The following ZNF831 variants were observed in gnomAD, a reference collection of about 807,000 sequenced individuals.
The protein encoded by ZNF831 is chromosome 20 open reading frame 174.
In ZNF831, 59 loss-of-function variants were observed where a neutral mutation model predicts 95.8. That is an observed-to-expected ratio of 0.62 (90% CI 0.50 to 0.77). ZNF831 has a LOEUF of 0.77. Among genes scored for constraint, ZNF831 ranks in the 30% least tolerant of loss-of-function variants. The probability of loss-of-function intolerance (pLI) is 0.00; values close to 1 mark genes in which losing one functional copy is unlikely to be tolerated. For synonymous variants in ZNF831, 961 were observed against 925.5 expected, an observed-to-expected ratio of 1.04 and a Z score of -0.70; for missense variants, 2,205 against 2,164.0, an observed-to-expected ratio of 1.02 and a Z score of -0.38.
At chr20:59,144,477 C>T (rs1017409260) in intron 1 of ZNF831, among the ~76,000 whole-genome samples, 3 of 152,072 alleles carry the variant, frequency 2.0e-5, no homozygotes, top group African/African-American at 7.2e-5. Context: ...GCACCCTGCC[C>T]TAGTTATGAC....
intron 4 of ZNF831, among the ~76,000 whole-genome samples, chr20:59,249,111 G>T (rs1006672904): frequency 6.6e-6 from 1 of 152,042 alleles, no homozygotes; most frequent in African/African-American, 2.4e-5. Flanking sequence ...TCTCTGTATT[G>T]TTCCTTCTTT....
intron 1 of ZNF831, among the ~76,000 whole-genome samples, chr20:59,183,315 G>A (rs1203982329): frequency 6.6e-6 from 1 of 152,208 alleles, no homozygotes; most frequent in African/African-American, 2.4e-5. Context: ...GGGTGCTAGT[G>A]GACTAGGGAG....
intron 1 of ZNF831, among the ~76,000 whole-genome samples, chr20:59,128,414 G>T (rs572883397): frequency 6.6e-6 from 1 of 152,316 alleles, no homozygotes; most frequent in South Asian, 2.1e-4. Flanking sequence ...GACTGGCCAG[G>T]GAAGGCCTCT....
intron 4 of ZNF831, among the ~76,000 whole-genome samples, chr20:59,237,450 G>A (rs1379015587): frequency 5.9e-5 from 9 of 152,058 alleles, no homozygotes; most frequent in African/African-American, 1.2e-4. Context: ...AGGTTCAAGC[G>A]ATTCTCCTGC....
chr20:59,250,840 G>T (rs992575192), intron 4 of ZNF831, among the ~76,000 whole-genome samples: 1 of 151,830 alleles, frequency 6.6e-6, no homozygotes, highest in African/African-American at 2.4e-5. Context: ...AAAAGACCAA[G>T]AAACAGAACA....
chr20:59,177,207 T>C (rs1232275884), intron 1 of ZNF831, among the ~76,000 whole-genome samples: 1 of 152,236 alleles, frequency 6.6e-6, no homozygotes, highest in Non-Finnish European at 1.5e-5. Context: ...CGTCTTGTCA[T>C]TTAATTAAGC....
chr20:59,130,944 T>G (rs1255542543), intron 1 of ZNF831, among the ~76,000 whole-genome samples: 1 of 152,150 alleles, frequency 6.6e-6, no homozygotes, highest in Admixed American at 6.5e-5. Context: ...GGGCTAGTAA[T>G]CCTCTTATCA....
intron 1 of ZNF831, among the ~76,000 whole-genome samples, chr20:59,137,637 T>C (rs1200653625): frequency 6.6e-6 from 1 of 152,224 alleles, no homozygotes; most frequent in African/African-American, 2.4e-5. Context: ...AACCTGCAGT[T>C]TTTAACCTTT....
At position 59,169,885 on chromosome 20, in the gene ZNF831, GCAAGA is replaced by G. The variant is rs1237824673; in HGVS notation, c.-37+5680_-37+5684del. 6.6e-6 allele frequency among the ~76,000 whole-genome samples: 1 copy of G among 151,268 alleles called. No individual in the cohort carries two copies. Among genetic ancestry groups the G allele is most frequent in the Non-Finnish European group, 1.5e-5 (1 of 67,800 alleles). ...ACTTCACTCTAGCCTGGGCAATAGAGCAAGACTCTGTCTCAAAAAAAAAAGGTGAA... is the reference window on the plus strand; with the variant it reads ...ACTTCACTCTAGCCTGGGCAATAGAGCTCTGTCTCAAAAAAAAAAGGTGAA... On this transcript the variant is annotated intron_variant, in intron 1 of 5. Coordinates refer to ENST00000371030, the MANE Select transcript of ZNF831 (RefSeq NM_178457.3). This position sits in a 1 kb window ranked among gnomAD's most constrained non-coding sequence, Gnocchi z 4.1.
chr20:59,146,892 C>T (rs1568725197), intron 2 of ZNF831: 1 of 152,128 alleles, frequency 6.6e-6, no homozygotes, highest in Non-Finnish European at 1.5e-5. Flanking sequence ...ATAGAAGGGA[C>T]TCTAATAGGA....
intron 1 of ZNF831, among the ~76,000 whole-genome samples, chr20:59,190,365 T>A (rs1430487146): frequency 6.6e-6 from 1 of 152,240 alleles, no homozygotes; most frequent in Admixed American, 6.5e-5. Flanking sequence ...TAAAGAACTA[T>A]GCATTGTTTA....
chr20:59,148,257 A>G (rs1173153960), intron 2 of ZNF831, among the ~76,000 whole-genome samples: 1 of 152,090 alleles, frequency 6.6e-6, no homozygotes, highest in African/African-American at 2.4e-5. Context: ...CCATGATGGA[A>G]TGGGGCTGGC....
At chr20:59,132,566 G>T (rs1345313107) in intron 1 of ZNF831, among the ~76,000 whole-genome samples, 1 of 152,078 alleles carries the variant, frequency 6.6e-6, no homozygotes, top group Non-Finnish European at 1.5e-5. Flanking sequence ...ATCTTCACCT[G>T]CTTTTCTTTT....
intron 4 of ZNF831, 145 bp downstream of exon 4, chr20:59,207,201 C>T (rs1315818048): frequency 1.7e-5 from 16 of 957,780 alleles, no homozygotes; most frequent in East Asian, 1.6e-4. Context: ...AGAGGCATGA[C>T]GTCTATGAGA....
In ZNF831 at chr20:59,192,637, G is replaced by T; in HGVS notation, c.1618G>T (p.Ala540Ser). 6.7e-7 allele frequency: 1 copy of T among 1,499,062 alleles called. No individual in the cohort carries two copies. Among genetic ancestry groups the T allele is most frequent in the East Asian group, 2.4e-5 (1 of 42,122 alleles). The allele number at this position is 1,499,062 out of a possible 1,614,324, so 92.9% of individuals were successfully genotyped here. A position where few individuals can be genotyped will look rare whatever the true frequency, so the allele number is the denominator to read the frequency against. ...QKPLSPRPGP[A>S]RLGCRSGLSS... is the part of the protein sequence containing the mutation. ...GCCTCTGAGCCCCAGGCCCGGCCCAGCCCGCCTGGGCTGCCGCTCGGGACT... is the reference window on the plus strand; with the variant it reads ...GCCTCTGAGCCCCAGGCCCGGCCCATCCCGCCTGGGCTGCCGCTCGGGACT... Residue 540 changes from alanine to serine, a missense_variant, in exon 2 of 6, where the codon GCC becomes TCC. Coordinates refer to ENST00000371030, the MANE Select transcript of ZNF831 (RefSeq NM_178457.3). The surrounding 1 kb of genome is among the most constrained non-coding windows in gnomAD (Gnocchi z 5.2).
At chr20:59,216,877 T>C (rs2146662864) in intron 4 of ZNF831, among the ~76,000 whole-genome samples, 1 of 151,912 alleles carries the variant, frequency 6.6e-6, no homozygotes. Flanking sequence ...GGAGCAAGAA[T>C]TGGGGTAAAT....
In ZNF831 at chr20:59,236,542, C is replaced by T. The variant is rs148247826; in HGVS notation, c.4028-16436C>T. 1.8e-3 allele frequency among the ~76,000 whole-genome samples: 274 copies of T among 148,694 alleles called. 1 individual carries two copies. The highest frequency in any genetic ancestry group is 6.4e-3 in the African/African-American group (260 of 40,538). On this transcript the variant is annotated intron_variant, in intron 4 of 5. Coordinates refer to ENST00000371030, the MANE Select transcript of ZNF831 (RefSeq NM_178457.3). ...TGCAGTCTATAGGCATGCACCACCA[C>T]GCTTGGCTAGTTTTTTGCTTTTTTT... is the stretch of plus-strand genomic sequence containing the variant.
intron 1 of ZNF831, among the ~76,000 whole-genome samples, chr20:59,183,276 C>T (rs1237508291): frequency 6.6e-6 from 1 of 152,164 alleles, no homozygotes; most frequent in Non-Finnish European, 1.5e-5. Context: ...CCTGGACTTG[C>T]CAGCACCTCC....
chr20:59,195,672 G>T (rs1013080809), intron 2 of ZNF831, 197 bp from the exon 3 acceptor site: 5 of 720,850 alleles, frequency 6.9e-6, no homozygotes, highest in African/African-American at 3.8e-5. Flanking sequence ...CCCAGGCGGG[G>T]TTTCAGGAGG....
Sources: gnomAD v4.1 joint callset for allele counts (sites outside exome capture counted in the v4.1 genomes callset) on GRCh38, gnomAD v4.1.1 for gene constraint, Gnocchi (gnomAD v3.1) non-coding constraint, MANE v1.5 for transcripts, NCBI Gene and HGNC (gene_info 2026-07-23, HGNC 2026-07-21) for gene names.